The following LOC400499 variants were observed in gnomAD, a reference collection of about 807,000 sequenced individuals.
the LOC400499 span, among the ~76,000 whole-genome samples, chr16:11,506,103 C>G: frequency 2.6e-5 from 4 of 152,126 alleles, no homozygotes; most frequent in Admixed American, 2.6e-4. Flanking sequence ...GTGGAGTGAT[C>G]TCGGCTCACT....
the LOC400499 span, among the ~76,000 whole-genome samples, chr16:11,490,495 T>C: frequency 2.6e-5 from 4 of 151,416 alleles, no homozygotes. Flanking sequence ...GTCAGGAGAT[T>C]GAGACAATCC....
chr16:11,431,569 C>T, the LOC400499 span, among the ~76,000 whole-genome samples: 2 of 152,264 alleles, frequency 1.3e-5, no homozygotes, highest in East Asian at 3.9e-4. Context: ...CAACAGCTGG[C>T]TAGTTTTTGT....
At chr16:11,509,125 T>C in the LOC400499 span, among the ~76,000 whole-genome samples, 1 of 148,962 alleles carries the variant, frequency 6.7e-6, no homozygotes, top group Non-Finnish European at 1.5e-5. Context: ...TTTTTCTTTT[T>C]TTTTTTTTTT....
At chr16:11,458,366 G>A in the LOC400499 span, among the ~76,000 whole-genome samples, 1 of 152,134 alleles carries the variant, frequency 6.6e-6, no homozygotes, top group Non-Finnish European at 1.5e-5. Context: ...TTAGCCGTGT[G>A]TGGTGGCAGG....
the LOC400499 span, among the ~76,000 whole-genome samples, chr16:11,422,546 T>C: frequency 0.83 from 125,676 of 152,068 alleles, 52,126 homozygotes; most frequent in Non-Finnish European, 0.85. Flanking sequence ...ATGCAGCAGG[T>C]GGCAAGGCCC....
chr16:11,443,180 C>T, the LOC400499 span, among the ~76,000 whole-genome samples: 397 of 151,464 alleles, frequency 2.6e-3, 1 homozygote, highest in African/African-American at 9.3e-3. Context: ...AAAAATTAGC[C>T]GGGTGTGGTC....
chr16:11,372,856 C>T, the LOC400499 span: 3 of 249,332 alleles, frequency 1.2e-5, no homozygotes, highest in Non-Finnish European at 1.9e-5. Flanking sequence ...AAGGACAACT[C>T]CCCATCCACT....
chr16:11,439,553 G>C, the LOC400499 span: 2 of 399,084 alleles, frequency 5.0e-6, no homozygotes, highest in Admixed American at 8.8e-5. Flanking sequence ...TGCAAAGTCG[G>C]AGTCAGATCC....
chr16:11,403,598 A>C, the LOC400499 span, among the ~76,000 whole-genome samples: 5 of 152,240 alleles, frequency 3.3e-5, no homozygotes, highest in East Asian at 7.7e-4. Flanking sequence ...GGAGGATTCC[A>C]TCAGGCCACC....
At chr16:11,431,435 T>G in the LOC400499 span, among the ~76,000 whole-genome samples, 3 of 152,086 alleles carry the variant, frequency 2.0e-5, no homozygotes, top group South Asian at 2.1e-4. Flanking sequence ...GGAGACAGAG[T>G]GACTCTGTCA....
At chr16:11,431,139 C>A in the LOC400499 span, 1 of 399,064 alleles carries the variant, frequency 2.5e-6, no homozygotes, top group Non-Finnish European at 4.4e-6. Context: ...TCTGGAAAGT[C>A]AGGATCCGGC....
chr16:11,471,481 C>G, the LOC400499 span: 1 of 395,908 alleles, frequency 2.5e-6, no homozygotes, highest in Non-Finnish European at 4.4e-6. Context: ...ATGCATCATA[C>G]AGCCCCAGAT....
the LOC400499 span, among the ~76,000 whole-genome samples, chr16:11,491,034 G>A: frequency 5.3e-5 from 8 of 152,170 alleles, no homozygotes; most frequent in African/African-American, 1.9e-4. Context: ...AAATGTCTTT[G>A]TGTATTAACT....
At chr16:11,496,013 G>T in the LOC400499 span, among the ~76,000 whole-genome samples, 1 of 152,028 alleles carries the variant, frequency 6.6e-6, no homozygotes, top group East Asian at 1.9e-4. Flanking sequence ...CGTCACTCCA[G>T]AACAGGGACT....
the LOC400499 span, among the ~76,000 whole-genome samples, chr16:11,373,375 C>A: frequency 3.3e-5 from 5 of 152,178 alleles, no homozygotes; most frequent in African/African-American, 7.2e-5. Context: ...GATGGAGTCT[C>A]GCGCTATCAC....
the LOC400499 span, among the ~76,000 whole-genome samples, chr16:11,490,059 G>C: frequency 6.6e-6 from 1 of 152,106 alleles, no homozygotes; most frequent in Non-Finnish European, 1.5e-5. Context: ...GTCCACAAGA[G>C]CTATAGATGA....
chr16:11,391,600 G>T, the LOC400499 span: 1 of 1,196,608 alleles, frequency 8.4e-7, no homozygotes, highest in Non-Finnish European at 1.0e-6. Context: ...GAGCGCTTAG[G>T]GCCCCGGTGG....
the LOC400499 span, among the ~76,000 whole-genome samples, chr16:11,376,294 T>G: frequency 6.6e-6 from 1 of 152,226 alleles, no homozygotes; most frequent in African/African-American, 2.4e-5. Context: ...CTACTGTGTT[T>G]TAAGAGTTGT....
chr16:11,464,656 GA>G, the LOC400499 span, among the ~76,000 whole-genome samples: 1 of 152,190 alleles, frequency 6.6e-6, no homozygotes, highest in Non-Finnish European at 1.5e-5. Flanking sequence ...GGTTACAGAG[GA>G]CTTGAAGGGG....
Sources: gnomAD v4.1 joint callset for allele counts (sites outside exome capture counted in the v4.1 genomes callset) on GRCh38, gnomAD v4.1.1 for gene constraint, MANE v1.5 for transcripts.